Variants in USP48 observed in about 807,000 individuals in gnomAD.
USP48 encodes the protein ubiquitin specific peptidase 48, also known as ubiquitin carboxyl-terminal hydrolase 48.
Under a neutral mutation model 150.7 loss-of-function variants are expected in USP48, and 43 were observed. The observed-to-expected ratio is 0.29, with a 90% CI of 0.22 to 0.37. The LOEUF (loss-of-function observed/expected upper bound fraction) is 0.37, where lower values mean the gene tolerates loss of function less well. Among genes scored for constraint, USP48 ranks in the 10% least tolerant of loss-of-function variants. The probability of loss-of-function intolerance (pLI) is 1.00; values close to 1 mark genes in which losing one functional copy is unlikely to be tolerated. For missense variants in USP48, 813 were observed against 1,249.6 expected (o/e 0.65, Z 5.27); for synonymous variants, 396 against 425.9 (o/e 0.93, Z 0.86).
Position 21,704,348 on chromosome 1 carries a change from A to G in USP48, c.2429T>C (p.Leu810Pro). The part of the protein sequence containing the change: ...WPSEWQMIQK[L>P]FVVDHVIKIT... ...TTTAATTACATGATCCACAACAAAG[A>G]GCTTTTGTATCATTTGCCACTCACT... Residue 810 changes from leucine (L) to proline (P), a missense_variant, in exon 20 of 27, where the codon CTC becomes CCC. Coordinates refer to ENST00000308271, the MANE Select transcript of USP48 (RefSeq NM_032236.8). 1 of 1,613,774 alleles carries G rather than the reference A, an allele frequency of 6.2e-7. No homozygotes were observed. The highest frequency in any genetic ancestry group is 8.5e-7 in the Non-Finnish European group (1 of 1,179,936).
At position 21,706,882 on chromosome 1, in the gene USP48, A is replaced by T. The variant is rs776244089; in HGVS notation, c.1964-14T>A. ...TGCATAACTCACCTGAGTTTAAAAA[A>T]ATATATTTGGAAAAAAAAAAAACAG... On this transcript the variant is annotated splice_polypyrimidine_tract_variant and intron_variant, in intron 15 of 26. Coordinates refer to ENST00000308271, the MANE Select transcript of USP48 (RefSeq NM_032236.8). 2 of 1,576,176 alleles carry T rather than the reference A, an allele frequency of 1.3e-6. No individual in the cohort carries two copies. The highest frequency in any genetic ancestry group is 2.0e-5 in the Admixed American group (1 of 49,274).
intron 1 of USP48, among the ~76,000 whole-genome samples, chr1:21,761,787 T>C (rs2097850616): frequency 6.6e-6 from 1 of 151,716 alleles, no homozygotes; most frequent in Non-Finnish European, 1.5e-5. Flanking sequence ...TTTGAAAAAA[T>C]AAAAATGAAA....
At chr1:21,696,624 T>C (rs2097632569) in intron 22 of USP48, among the ~76,000 whole-genome samples, 1 of 152,206 alleles carries the variant, frequency 6.6e-6, no homozygotes, top group African/African-American at 2.4e-5. Flanking sequence ...AGTTTTCTTA[T>C]TTATGAGCAC....
intron 22 of USP48, among the ~76,000 whole-genome samples, chr1:21,696,887 C>T (rs1042748890): frequency 0.018 from 5 of 280 alleles, no homozygotes; most frequent in Non-Finnish European, 0.022. Context: ...TGGTGGTGGC[C>T]GGTGGGGGCG....
chr1:21,717,679 CG>C (rs2097708587), intron 14 of USP48, among the ~76,000 whole-genome samples: 1 of 152,122 alleles, frequency 6.6e-6, no homozygotes, highest in African/African-American at 2.4e-5. Context: ...ATGTGACTGC[CG>C]GGCACGGTGG....
intron 26 of USP48, among the ~76,000 whole-genome samples, chr1:21,679,895 T>C (rs1274417123): frequency 6.6e-6 from 1 of 152,100 alleles, no homozygotes; most frequent in African/African-American, 2.4e-5. Context: ...GGTTTCACCA[T>C]GTTGGCCAGA....
chr1:21,709,101 C>T (rs1413707676), intron 15 of USP48, among the ~76,000 whole-genome samples: 1 of 151,536 alleles, frequency 6.6e-6, no homozygotes, highest in Non-Finnish European at 1.5e-5. Flanking sequence ...GAGAGGGAGT[C>T]TCTCGAACTT....
At chr1:21,754,862 G>C (rs2097827498) in intron 3 of USP48, among the ~76,000 whole-genome samples, 1 of 152,198 alleles carries the variant, frequency 6.6e-6, no homozygotes, top group East Asian at 1.9e-4. Context: ...GTTTCTAGTA[G>C]GGATTCCCAG....
At chr1:21,742,532 A>G (rs983548372) in intron 8 of USP48, among the ~76,000 whole-genome samples, 1 of 140,454 alleles carries the variant, frequency 7.1e-6, no homozygotes, top group African/African-American at 2.6e-5. Context: ...TGACAGAGCG[A>G]GACTCTATCT....
At chr1:21,714,153 C>A (rs2152533368) in intron 15 of USP48, among the ~76,000 whole-genome samples, 1 of 152,326 alleles carries the variant, frequency 6.6e-6, no homozygotes, top group East Asian at 1.9e-4. Context: ...GTTAGGAATT[C>A]ATTAGGATCA....
chr1:21,782,713 C>T (rs1320302959), intron 1 of USP48, 111 bp downstream of exon 1: 6 of 1,390,740 alleles, frequency 4.3e-6, no homozygotes, highest in Non-Finnish European at 5.6e-6. Flanking sequence ...TCGCTCGGCT[C>T]CGCGCCTCCC....
intron 3 of USP48, 28 bp from the exon 4 acceptor site, chr1:21,753,147 G>A (rs752738486): frequency 6.3e-7 from 1 of 1,579,174 alleles, no homozygotes; most frequent in South Asian, 1.2e-5. Flanking sequence ...TAGATTTGGG[G>A]TTTTTTAAGG....
chr1:21,693,177 T>G (rs569487616), intron 23 of USP48, among the ~76,000 whole-genome samples: 7 of 152,184 alleles, frequency 4.6e-5, no homozygotes, highest in Non-Finnish European at 1.0e-4. Flanking sequence ...GATCTATCTT[T>G]GGGAAAATGA....
intron 1 of USP48, among the ~76,000 whole-genome samples, chr1:21,777,690 A>T (rs1242383859): frequency 6.6e-6 from 1 of 151,166 alleles, no homozygotes; most frequent in African/African-American, 2.5e-5. Flanking sequence ...AAGAAGGCGG[A>T]GAAGAAGAAG....
At chr1:21,735,078 C>T (rs1260562952) in intron 9 of USP48, among the ~76,000 whole-genome samples, 1 of 152,236 alleles carries the variant, frequency 6.6e-6, no homozygotes, top group East Asian at 1.9e-4. Context: ...AGAATTAGTT[C>T]CCCAAAATAA....
chr1:21,733,789 CTT>C (rs998088234), intron 9 of USP48, among the ~76,000 whole-genome samples: 1 of 146,758 alleles, frequency 6.8e-6, no homozygotes, highest in Non-Finnish European at 1.5e-5. Flanking sequence ...ATTTAAAGTT[CTT>C]TTTTTTTTTC....
chr1:21,751,874 C>T (rs936836385), intron 5 of USP48, among the ~76,000 whole-genome samples: 1 of 151,784 alleles, frequency 6.6e-6, no homozygotes, highest in African/African-American at 2.4e-5. Context: ...AAAAATCAGC[C>T]GGATGTGGTG....
intron 8 of USP48, among the ~76,000 whole-genome samples, chr1:21,740,192 T>G (rs1446464581): frequency 2.0e-5 from 3 of 152,270 alleles, no homozygotes; most frequent in Non-Finnish European, 2.9e-5. Flanking sequence ...ATTACAGGCA[T>G]GAGCCACTGC....
chr1:21,736,681 C>A, intron 8 of USP48, 56 bp from the exon 9 acceptor site: 1 of 1,331,270 alleles, frequency 7.5e-7, no homozygotes, highest in Non-Finnish European at 9.8e-7. Context: ...TTTCTTATAT[C>A]CTGAGCCTGA....
Sources: gnomAD v4.1 joint callset for allele counts (sites outside exome capture counted in the v4.1 genomes callset) on GRCh38, gnomAD v4.1.1 for gene constraint, MANE v1.5 for transcripts, NCBI Gene and HGNC (gene_info 2026-07-23, HGNC 2026-07-21) for gene names.